The following TCF7L2 variants were observed in gnomAD, a reference collection of about 807,000 sequenced individuals.
TCF7L2 encodes the protein transcription factor 7 like 2, also known as transcription factor 7-like 2.
TCF7L2 carries 23 observed loss-of-function variants against 77.9 expected under a neutral mutation model. That is an observed-to-expected ratio of 0.30 (90% CI 0.21 to 0.42). TCF7L2 has a LOEUF of 0.42. TCF7L2 is among the 10% of genes least tolerant of loss of function. TCF7L2 has a pLI of 1.00. For synonymous variants in TCF7L2, 413 were observed against 340.2 expected (o/e 1.21, Z -2.36); for missense variants, 654 against 793.1 (o/e 0.82, Z 2.11).
chr10:113,167,361 C>A lies in TCF7L2; in HGVS notation c.*1389C>A, dbSNP rs527480276. 8.1e-3 allele frequency: 1,835 copies of A among 225,736 alleles called. 17 individuals carry two copies. The highest frequency in any genetic ancestry group is 0.011 in the Middle Eastern group (8 of 734). The allele number at this position is 225,736 out of a possible 1,614,324, so 14.0% of individuals were successfully genotyped here. Reference sequence around the variant, plus strand: ...CAGCAGACTTTAAAAATAAAAAAAACCTAGGCATGTTGATGTTGCAAAATG... The same window carrying A: ...CAGCAGACTTTAAAAATAAAAAAAAACTAGGCATGTTGATGTTGCAAAATG... On this transcript the variant is annotated 3_prime_UTR_variant, in exon 14 of 14. Transcript: ENST00000627217.
intron 5 of TCF7L2, among the ~76,000 whole-genome samples, chr10:113,114,459 G>A (rs1186822152): frequency 6.6e-6 from 1 of 152,096 alleles, no homozygotes; most frequent in African/African-American, 2.4e-5. Context: ...GGCGCCCTTA[G>A]TGGAGTCAAT....
At chr10:112,986,075 C>T (rs1186780753) in intron 4 of TCF7L2, among the ~76,000 whole-genome samples, 1 of 151,896 alleles carries the variant, frequency 6.6e-6, no homozygotes, top group Non-Finnish European at 1.5e-5. Context: ...CCCCCGCTCC[C>T]ACCTTTACAG....
chr10:113,164,971 G>A (rs1446226896), intron 13 of TCF7L2, among the ~76,000 whole-genome samples: 1 of 152,058 alleles, frequency 6.6e-6, no homozygotes, highest in East Asian at 1.9e-4. Flanking sequence ...AGCTATGTGG[G>A]CTCAACAGTG....
chr10:112,990,718 A>G (rs950084510), intron 4 of TCF7L2, among the ~76,000 whole-genome samples: 4 of 152,064 alleles, frequency 2.6e-5, no homozygotes, highest in African/African-American at 9.7e-5. Context: ...TAATAAATAA[A>G]TAAATAAATA....
At chr10:112,968,751 T>C (rs1314077283) in intron 4 of TCF7L2, among the ~76,000 whole-genome samples, 2 of 152,138 alleles carry the variant, frequency 1.3e-5, no homozygotes, top group East Asian at 3.9e-4. Context: ...GCTCATTTTT[T>C]TGTATTTTTA....
intron 5 of TCF7L2, among the ~76,000 whole-genome samples, chr10:113,064,075 C>A (rs1010659854): frequency 6.6e-6 from 1 of 152,126 alleles, no homozygotes. Context: ...TAAGAGCTTG[C>A]TGGAGTCAGG....
intron 11 of TCF7L2, among the ~76,000 whole-genome samples, chr10:113,154,002 C>T (rs992309146): frequency 6.6e-6 from 1 of 152,220 alleles, no homozygotes; most frequent in African/African-American, 2.4e-5. Flanking sequence ...TGTGCTCCTC[C>T]TGGGAGTTGA....
At chr10:113,031,563 C>T (rs1480597059) in intron 4 of TCF7L2, among the ~76,000 whole-genome samples, 1 of 150,530 alleles carries the variant, frequency 6.6e-6, no homozygotes, top group African/African-American at 2.5e-5. Context: ...TCTTGGCTCA[C>T]TATAACCTCT....
chr10:113,009,954 G>T (rs2046186851), intron 4 of TCF7L2, among the ~76,000 whole-genome samples: 1 of 151,988 alleles, frequency 6.6e-6, no homozygotes, highest in Non-Finnish European at 1.5e-5. Context: ...TTCACTTGGG[G>T]GTCTTAAGTC....
intron 5 of TCF7L2, among the ~76,000 whole-genome samples, chr10:113,064,745 G>A (rs751318347): frequency 2.0e-5 from 3 of 152,288 alleles, no homozygotes; most frequent in South Asian, 2.1e-4. Context: ...TGCTTCAGCC[G>A]GGTTTCTTTT....
chr10:113,072,437 T>G (rs890843309), intron 5 of TCF7L2, among the ~76,000 whole-genome samples: 1 of 151,582 alleles, frequency 6.6e-6, no homozygotes, highest in Non-Finnish European at 1.5e-5. Flanking sequence ...TCACTGCAAC[T>G]TGCGCCTCCC....
At chr10:113,133,534 C>A (rs752214761) in intron 5 of TCF7L2, among the ~76,000 whole-genome samples, 12 of 152,126 alleles carry the variant, frequency 7.9e-5, no homozygotes, top group Non-Finnish European at 1.5e-4. Flanking sequence ...ATAGAAAGGG[C>A]CACCCCAAGA....
chr10:113,006,616 G>A (rs890832954), intron 4 of TCF7L2, among the ~76,000 whole-genome samples: 16 of 152,286 alleles, frequency 1.1e-4, no homozygotes, highest in Admixed American at 5.2e-4. Flanking sequence ...TTCAGACTCC[G>A]TCTCCCAGAA....
chr10:112,961,910 TGA>T (rs10593073), intron 3 of TCF7L2, among the ~76,000 whole-genome samples: 3,820 of 148,190 alleles, frequency 0.026, 136 homozygotes, highest in African/African-American at 0.079. Context: ...TGTGTGTGTG[TGA>T]GAGAGAGAGA....
At chr10:113,163,697 A>C (rs1305743819) in intron 13 of TCF7L2, among the ~76,000 whole-genome samples, 2 of 152,068 alleles carry the variant, frequency 1.3e-5, no homozygotes, top group African/African-American at 4.8e-5. Flanking sequence ...ATTGAGGGTG[A>C]GAGGGGGTGG....
intron 5 of TCF7L2, among the ~76,000 whole-genome samples, chr10:113,107,371 T>G (rs2062466697): frequency 6.6e-6 from 1 of 152,080 alleles, no homozygotes; most frequent in African/African-American, 2.4e-5. Flanking sequence ...ACAAAAGAAG[T>G]TAAGCCTTAC....
At chr10:113,091,448 T>C (rs1291762742) in intron 5 of TCF7L2, among the ~76,000 whole-genome samples, 1 of 152,196 alleles carries the variant, frequency 6.6e-6, no homozygotes, top group Non-Finnish European at 1.5e-5. Flanking sequence ...AAACTGAAGA[T>C]GTGGCTGGGT....
chr10:112,970,978 C>T (rs1476930335), intron 4 of TCF7L2, among the ~76,000 whole-genome samples: 1 of 152,170 alleles, frequency 6.6e-6, no homozygotes, highest in Non-Finnish European at 1.5e-5. Context: ...TTGATAGAAC[C>T]TGTGGATGGC....
Position 113,165,863 on chromosome 10 carries a change from C to T in TCF7L2, c.1700C>T (p.Ala567Val), listed in dbSNP as rs369554727. Residue 567 changes from alanine (A) to valine (V), a missense_variant, in exon 14 of 14, where the codon GCC becomes GTC. Around this residue, in one of 6 missense-constraint regions of TCF7L2, gnomAD observed 272 missense variants for 215.4 expected, o/e 1.26. Coordinates refer to ENST00000627217, the MANE Select transcript of TCF7L2 (RefSeq NM_001146274.2). ...CCCCCAGCCGCTTTGCAGCCTGCCGCCCCCTCCTCATCAATTGCACAGCCG... is the reference window on the plus strand; with the variant it reads ...CCCCCAGCCGCTTTGCAGCCTGCCGTCCCCTCCTCATCAATTGCACAGCCG... 4.0e-5 allele frequency: 64 copies of T among 1,604,362 alleles called. No individual in the cohort carries two copies. The highest frequency in any genetic ancestry group is 5.0e-5 in the Non-Finnish European group (59 of 1,173,192).
Sources: allele counts gnomAD v4.1 joint callset (sites outside exome capture counted in the v4.1 genomes callset), GRCh38; gene constraint gnomAD v4.1.1; regional missense constraint gnomAD v4.1.1; transcripts MANE v1.5; gene names NCBI Gene and HGNC (gene_info 2026-07-23, HGNC 2026-07-21).